The following CDKAL1 variants were observed in gnomAD, a reference collection of about 807,000 sequenced individuals.
CDKAL1 encodes the protein threonylcarbamoyladenosine tRNA methylthiotransferase.
CDKAL1 carries 32 observed loss-of-function variants against 68.2 expected under a neutral mutation model. That is an observed-to-expected ratio of 0.47 (90% CI 0.35 to 0.63). The LOEUF (loss-of-function observed/expected upper bound fraction) is 0.63. Among genes scored for constraint, CDKAL1 ranks in the 30% least tolerant of loss-of-function variants. CDKAL1 has a pLI of 0.00. For missense variants in CDKAL1, 606 were observed against 696.7 expected, an observed-to-expected ratio of 0.87 and a Z score of 1.47; for synonymous variants, 234 against 244.3, an observed-to-expected ratio of 0.96 and a Z score of 0.39.
chr6:20,685,162 C>T (rs1041452393), intron 5 of CDKAL1, among the ~76,000 whole-genome samples: 5 of 152,102 alleles, frequency 3.3e-5, no homozygotes, highest in African/African-American at 7.2e-5. Flanking sequence ...TGAGCCATTT[C>T]GATCTAATTT....
At chr6:20,941,459 T>C (rs1255639114) in intron 9 of CDKAL1, among the ~76,000 whole-genome samples, 2 of 152,220 alleles carry the variant, frequency 1.3e-5, no homozygotes, top group African/African-American at 4.8e-5. Context: ...GGCAAGTCTG[T>C]TAACCTTTCT....
At chr6:21,030,095 A>T (rs1769191123) in intron 11 of CDKAL1, among the ~76,000 whole-genome samples, 1 of 152,200 alleles carries the variant, frequency 6.6e-6, no homozygotes, top group African/African-American at 2.4e-5. Context: ...TCAATGATAG[A>T]CTGGACAAAT....
At chr6:21,150,246 C>T (rs1345598644) in intron 13 of CDKAL1, among the ~76,000 whole-genome samples, 3 of 152,072 alleles carry the variant, frequency 2.0e-5, no homozygotes, top group African/African-American at 7.2e-5. Context: ...AGCACGCTTC[C>T]GGGGGCAAGA....
intron 4 of CDKAL1, among the ~76,000 whole-genome samples, chr6:20,617,510 TG>T (rs376053212): frequency 5.2e-4 from 79 of 152,350 alleles, no homozygotes; most frequent in African/African-American, 1.8e-3. Flanking sequence ...GTTGGTGTGC[TG>T]CACCTGTTAA....
chr6:20,934,897 T>C (rs1252661902), intron 9 of CDKAL1, among the ~76,000 whole-genome samples: 2 of 126,932 alleles, frequency 1.6e-5, no homozygotes, highest in African/African-American at 3.1e-5. Context: ...TTCCGCCTTA[T>C]ACATTTTTTT....
intron 13 of CDKAL1, among the ~76,000 whole-genome samples, chr6:21,167,412 A>G (rs1777195620): frequency 6.6e-6 from 1 of 152,330 alleles, no homozygotes; most frequent in South Asian, 2.1e-4. Flanking sequence ...ATTAGAAAAC[A>G]CTTAATTAGC....
intron 11 of CDKAL1, among the ~76,000 whole-genome samples, chr6:21,057,168 G>T (rs1028996653): frequency 1.3e-5 from 2 of 152,016 alleles, no homozygotes; most frequent in South Asian, 2.1e-4. Context: ...TTTTTGGTGG[G>T]TAGGCTGTTT....
chr6:20,778,392 G>A (rs1162267947), intron 7 of CDKAL1, among the ~76,000 whole-genome samples: 1 of 152,116 alleles, frequency 6.6e-6, no homozygotes, highest in Non-Finnish European at 1.5e-5. Context: ...ATCTGATAAA[G>A]GTCTTATAAC....
chr6:21,088,299 A>G (rs1772813941), intron 12 of CDKAL1, among the ~76,000 whole-genome samples: 1 of 152,242 alleles, frequency 6.6e-6, no homozygotes, highest in African/African-American at 2.4e-5. Context: ...AATTAGTTCA[A>G]TTAACCTGAA....
chr6:20,812,069 T>C (rs1367342171), intron 8 of CDKAL1, among the ~76,000 whole-genome samples: 3 of 152,208 alleles, frequency 2.0e-5, no homozygotes, highest in Non-Finnish European at 4.4e-5. Context: ...GATATTTTAA[T>C]TTTATTGCTT....
At chr6:20,722,961 C>T (rs180730132) in intron 5 of CDKAL1, among the ~76,000 whole-genome samples, 1 of 152,262 alleles carries the variant, frequency 6.6e-6, no homozygotes, top group African/African-American at 2.4e-5. Context: ...GAGCTGTTTT[C>T]ATTGCTCAAT....
intron 9 of CDKAL1, among the ~76,000 whole-genome samples, chr6:20,870,985 C>T (rs1329677156): frequency 6.6e-6 from 1 of 151,928 alleles, no homozygotes; most frequent in Admixed American, 6.6e-5. Flanking sequence ...AGGAAAAATC[C>T]AAGAGTAAGT....
chr6:21,100,143 T>A (rs1773511950), intron 12 of CDKAL1, among the ~76,000 whole-genome samples: 1 of 152,184 alleles, frequency 6.6e-6, no homozygotes, highest in East Asian at 1.9e-4. Context: ...AATGAGAGGC[T>A]GATGGTTGCA....
intron 4 of CDKAL1, among the ~76,000 whole-genome samples, chr6:20,595,688 T>C (rs1367299624): frequency 6.6e-6 from 1 of 152,154 alleles, no homozygotes; most frequent in Non-Finnish European, 1.5e-5. Context: ...TTCGTCACAC[T>C]CATTCTCTGT....
At chr6:20,708,847 G>A (rs1037389687) in intron 5 of CDKAL1, among the ~76,000 whole-genome samples, 13 of 151,970 alleles carry the variant, frequency 8.6e-5, no homozygotes, top group Non-Finnish European at 1.8e-4. Flanking sequence ...TTGTCCTTAT[G>A]TTTTTTCTTT....
Position 21,108,395 on chromosome 6 carries a change from T to C in CDKAL1, c.1237-6T>C, listed in dbSNP as rs1562037922. 3 of 1,601,614 alleles carry C rather than the reference T, an allele frequency of 1.9e-6. No homozygotes were observed. In the African/African-American group the frequency reaches 4.0e-5, roughly 22 times the overall value. ...GGTTTTTTGTTTTTTTTGTTTTTTT[T>C]CACAGAAAAAGCAAAGGACAAAAGA... On this transcript the variant is annotated splice_region_variant and splice_polypyrimidine_tract_variant and intron_variant, in intron 12 of 15. Transcript: ENST00000274695.
At chr6:21,201,087 C>A (rs1778670758) in intron 14 of CDKAL1, 23 bp from the exon 15 acceptor site, 1 of 1,576,840 alleles carries the variant, frequency 6.3e-7, no homozygotes, top group Non-Finnish European at 8.7e-7. Context: ...AAAAATTAAG[C>A]CTCTGAAACA....
chr6:20,909,890 G>A (rs1395954094), intron 9 of CDKAL1, among the ~76,000 whole-genome samples: 2 of 152,086 alleles, frequency 1.3e-5, no homozygotes, highest in Non-Finnish European at 2.9e-5. Context: ...GTTTGCACCT[G>A]GCATTGGAAT....
chr6:21,185,417 A>G (rs753707379), intron 13 of CDKAL1, among the ~76,000 whole-genome samples: 4 of 152,224 alleles, frequency 2.6e-5, no homozygotes, highest in Non-Finnish European at 5.9e-5. Context: ...TATCTTTGTT[A>G]GTAATCACCC....
Sources: gnomAD v4.1 joint callset for allele counts (sites outside exome capture counted in the v4.1 genomes callset) on GRCh38, gnomAD v4.1.1 for gene constraint, MANE v1.5 for transcripts, NCBI Gene and HGNC (gene_info 2026-07-23, HGNC 2026-07-21) for gene names.